PPP1CA: variants seen among roughly 807,000 people sequenced by gnomAD.
The protein encoded by PPP1CA is protein phosphatase 1 catalytic subunit alpha, also known as serine/threonine-protein phosphatase PP1-alpha catalytic subunit.
PPP1CA carries 14 observed loss-of-function variants against 38.5 expected under a neutral mutation model. The ratio of observed to expected loss-of-function variants is 0.36; its 90% confidence interval spans 0.24 to 0.57. The LOEUF (loss-of-function observed/expected upper bound fraction) is 0.57, where lower values mean the gene tolerates loss of function less well. Among genes scored for constraint, PPP1CA ranks in the 20% least tolerant of loss-of-function variants. The pLI, the probability that PPP1CA is intolerant of heterozygous loss-of-function variation, is 0.80. For missense variants in PPP1CA, 277 were observed against 435.2 expected (o/e 0.64, Z 3.23); for synonymous variants, 200 against 177.3 (o/e 1.13, Z -1.02).
chr11:67,400,992 G>T, intron 2 of PPP1CA, 73 bp from the exon 3 acceptor site: 1 of 1,608,638 alleles, frequency 6.2e-7, no homozygotes, highest in Admixed American at 1.7e-5. Context: ...TGCGCTCAAG[G>T]GAGGAGGGCT....
chr11:67,399,551 C>T lies in PPP1CA; in HGVS notation c.523+10G>A. ...CAGTGCTCCTCCTCCCCAGCCATCCCCTCCCTCACCTCCGTGGCAGCAGAA... is the reference window on the plus strand; with the variant it reads ...CAGTGCTCCTCCTCCCCAGCCATCCTCTCCCTCACCTCCGTGGCAGCAGAA... On this transcript the variant is annotated intron_variant, in intron 4 of 6. Coordinates refer to ENST00000376745, the MANE Select transcript of PPP1CA (RefSeq NM_002708.4). 6.2e-7 allele frequency: 1 copy of T among 1,613,232 alleles called. No individual in the cohort carries two copies. Among genetic ancestry groups the T allele is most frequent in the Non-Finnish European group, 8.5e-7 (1 of 1,179,262 alleles).
chr11:67,401,463 C>T, intron 1 of PPP1CA: 2 of 606,974 alleles, frequency 3.3e-6, no homozygotes, highest in Non-Finnish European at 5.5e-6. Context: ...CCTTCCTGGA[C>T]CGGGCTTCCC....
rs370795737 is a variant in PPP1CA at position 67,399,549 on chromosome 11, C to T, written c.523+12G>A. ...GCCAGTGCTCCTCCTCCCCAGCCAT[C>T]CCCTCCCTCACCTCCGTGGCAGCAG... On this transcript the variant is annotated intron_variant, in intron 4 of 6. Transcript: ENST00000376745. 6.2e-7 allele frequency: 1 copy of T among 1,612,706 alleles called. No individual in the cohort carries two copies. Among genetic ancestry groups the T allele is most frequent in the Non-Finnish European group, 8.5e-7 (1 of 1,178,894 alleles).
Position 67,398,616 on chromosome 11 carries a change from C to T in PPP1CA, c.912G>A (p.Gly304=). 1.2e-6 allele frequency: 2 copies of T among 1,614,114 alleles called. No homozygotes were observed. The highest frequency in any genetic ancestry group is 1.1e-5 in the South Asian group (1 of 91,084). ...QILKPADKNK[G]KYGQFSGLNP... ...TCAGGCCACTGAACTGCCCGTACTTCCCCTTGTTCTTGTCGGCGGGCTTGA... is the reference window on the plus strand; with the variant it reads ...TCAGGCCACTGAACTGCCCGTACTTTCCCTTGTTCTTGTCGGCGGGCTTGA... The change falls in exon 7 of 7, where the codon GGG becomes GGA. Residue 304 remains glycine (G), a synonymous_variant. Coordinates refer to ENST00000376745, the MANE Select transcript of PPP1CA (RefSeq NM_002708.4).
At chr11:67,400,604 G>A in intron 3 of PPP1CA, 85 bp downstream of exon 3, 3 of 1,324,328 alleles carry the variant, frequency 2.3e-6, no homozygotes, top group Admixed American at 1.7e-5. Context: ...GTGTCTGTCA[G>A]ATATCAGGCC....
In PPP1CA at chr11:67,400,755, A is replaced by T; in HGVS notation, c.352T>A (p.Phe118Ile). 3 of 1,614,114 alleles carry T rather than the reference A, an allele frequency of 1.9e-6. No individual in the cohort carries two copies. The highest frequency in any genetic ancestry group is 2.5e-6 in the Non-Finnish European group (3 of 1,180,034). The change falls in exon 3 of 7, where the codon TTC (phenylalanine) becomes ATC (isoleucine). Residue 118 changes from phenylalanine (F) to isoleucine (I), a missense_variant. Transcript: ENST00000376745. Reference sequence around the variant, plus strand: ...TCGTGGTTCCCACGGAGCAGGAAGAAGTTCTCGGGGTACTTGATCTTATAG... The same window carrying T: ...TCGTGGTTCCCACGGAGCAGGAAGATGTTCTCGGGGTACTTGATCTTATAG... ...LAYKIKYPEN[F>I]FLLRGNHECA...
rs1352829034 is a variant in PPP1CA, at chr11:67,398,326, TCA to T, written c.*207_*208del. ...TGCAGCCTCGGCCCCAGGATCCTGCTCACAGTCACCGCAGGTGCAGGCAGGAA... is the reference window on the plus strand; with the variant it reads ...TGCAGCCTCGGCCCCAGGATCCTGCTCAGTCACCGCAGGTGCAGGCAGGAA... On this transcript the variant is annotated 3_prime_UTR_variant, in exon 7 of 7. Coordinates refer to ENST00000376745, the MANE Select transcript of PPP1CA (RefSeq NM_002708.4). 5 of 597,196 alleles carry T rather than the reference TCA, an allele frequency of 8.4e-6. No homozygotes were observed. The highest frequency in any genetic ancestry group is 1.9e-5 in the African/African-American group (1 of 53,712). The allele number at this position is 597,196 out of a possible 1,614,324, so 37.0% of individuals were successfully genotyped here.
At chr11:67,399,494 A>C in intron 4 of PPP1CA, 67 bp downstream of exon 4, 1 of 1,421,358 alleles carries the variant, frequency 7.0e-7, no homozygotes, top group Non-Finnish European at 9.9e-7. Context: ...GATGAGACCT[A>C]AGGAGAGCTG....
chr11:67,401,845 C>CCTCCTTCCGGCCTGGCT lies in PPP1CA; in HGVS notation c.-64_-63insAGCCAGGCCGGAAGGAG. 7.7e-7 allele frequency: 1 copy of CCTCCTTCCGGCCTGGCT among 1,293,598 alleles called. No homozygotes were observed. The highest frequency in any genetic ancestry group is 9.9e-7 in the Non-Finnish European group (1 of 1,005,320). The allele number at this position is 1,293,598 out of a possible 1,614,324, so 80.1% of individuals were successfully genotyped here. ...GCTCCTGCCTCCCGCCCTCCGGCAG[C>CCTCCTTCCGGCCTGGCT]CTCCTTCCGGCCTGGCTCTCCTTCC... is the stretch of plus-strand genomic sequence containing the variant. On this transcript the variant is annotated 5_prime_UTR_variant, in exon 1 of 7. Coordinates refer to ENST00000376745, the MANE Select transcript of PPP1CA (RefSeq NM_002708.4).
At chr11:67,399,421 G>A (rs1862830512) in intron 4 of PPP1CA, 140 bp downstream of exon 4, 1 of 780,338 alleles carries the variant, frequency 1.3e-6, no homozygotes, top group Non-Finnish European at 2.1e-6. Context: ...ACACATCAAG[G>A]AAGTGAGTGC....
At chr11:67,401,620 C>G in intron 1 of PPP1CA, 108 bp downstream of exon 1, 1 of 1,027,190 alleles carries the variant, frequency 9.7e-7, no homozygotes, top group Non-Finnish European at 1.2e-6. Context: ...CCTCGCTGCC[C>G]GTCCCCGCCC....
Position 67,398,461 on chromosome 11 carries a change from A to G in PPP1CA, c.*74T>C. The stretch of plus-strand genomic sequence containing the variant: ...CAGGTGGGCCTGAGGGGTCGGGGTG[A>G]CCCCCCCCCAGCATGGCAGCATGAT... On this transcript the variant is annotated 3_prime_UTR_variant, in exon 7 of 7. Transcript: ENST00000376745. 1 of 1,377,908 alleles carries G rather than the reference A, an allele frequency of 7.3e-7. No homozygotes were observed. The highest frequency in any genetic ancestry group is 1.0e-6 in the Non-Finnish European group (1 of 998,248). 85.4% of individuals were successfully genotyped at this position (1,377,908 alleles called of 1,614,324 possible).
In PPP1CA at chr11:67,401,792, G is replaced by T; in HGVS notation, c.-10C>A. 6.8e-7 allele frequency: 1 copy of T among 1,463,868 alleles called. No homozygotes were observed. Among genetic ancestry groups the T allele is most frequent in the Non-Finnish European group, 9.1e-7 (1 of 1,097,956 alleles). 90.7% of individuals were successfully genotyped at this position (1,463,868 alleles called of 1,614,324 possible). On this transcript the variant is annotated 5_prime_UTR_variant, in exon 1 of 7. Transcript: ENST00000376745. The stretch of plus-strand genomic sequence containing the variant: ...TCTCGCTGTCGGACATGGCGGCGCC[G>T]CCGCTCCAGCCCAGCAGCTCCTGGC...
At position 67,400,930 on chromosome 11, in the gene PPP1CA, G is replaced by A. The variant is rs1416536287; in HGVS notation, c.188-11C>T. ...GGCCGTGTATGTCACCTGTGACCCA[G>A]GGAACCGGGTAAGCTAGATGCAAGG... is the stretch of plus-strand genomic sequence containing the variant. On this transcript the variant is annotated splice_polypyrimidine_tract_variant and intron_variant, in intron 2 of 6. Transcript: ENST00000376745. 2 of 1,613,506 alleles carry A rather than the reference G, an allele frequency of 1.2e-6. No homozygotes were observed. Among genetic ancestry groups the A allele is most frequent in the South Asian group, 2.2e-5 (2 of 91,074 alleles).
chr11:67,398,458 G>T lies in PPP1CA; in HGVS notation c.*77C>A. ...TGACAGGTGGGCCTGAGGGGTCGGG[G>T]TGACCCCCCCCCAGCATGGCAGCAT... On this transcript the variant is annotated 3_prime_UTR_variant, in exon 7 of 7. Coordinates refer to ENST00000376745, the MANE Select transcript of PPP1CA (RefSeq NM_002708.4). 6.1e-6 allele frequency: 9 copies of T among 1,470,690 alleles called. No individual in the cohort carries two copies. Among genetic ancestry groups the T allele is most frequent in the Non-Finnish European group, 8.4e-6 (9 of 1,066,568 alleles). 91.1% of individuals were successfully genotyped at this position (1,470,690 alleles called of 1,614,324 possible).
intron 3 of PPP1CA, 29 bp downstream of exon 3, chr11:67,400,660 G>C (rs748099937): frequency 1.2e-6 from 2 of 1,604,772 alleles, no homozygotes; most frequent in Non-Finnish European, 1.7e-6. Context: ...TTCAGGACCC[G>C]GGCAGCCCCA....
At position 67,401,146 on chromosome 11, in the gene PPP1CA, C is replaced by T. The variant is rs547598243; in HGVS notation, c.109G>A (p.Gly37Ser). The part of the protein sequence containing the change: ...NVQLTENEIR[G>S]LCLKSREIFL... ...ATCTCCCGGGATTTCAGGCACAGAC[C>T]GCGGATCTCGTTCTCTGTCAGCTGT... Residue 37 changes from glycine to serine, a missense_variant, in exon 2 of 7, where the codon GGT (glycine) becomes AGT (serine). Coordinates refer to ENST00000376745, the MANE Select transcript of PPP1CA (RefSeq NM_002708.4). 1.2e-6 allele frequency: 2 copies of T among 1,613,980 alleles called. No homozygotes were observed. The highest frequency in any genetic ancestry group is 1.7e-5 in the Admixed American group (1 of 60,036).
At position 67,398,549 on chromosome 11, in the gene PPP1CA, T is replaced by C; in HGVS notation, c.979A>G (p.Lys327Glu). Reference sequence around the variant, plus strand: ...GTGTGCGGGGGCTATTTCTTGGCTTTGGCGGAATTGCGGGGTGGGGTGATG... The same window carrying C: ...GTGTGCGGGGGCTATTTCTTGGCTTCGGCGGAATTGCGGGGTGGGGTGATG... ...RPITPPRNSA[K>E]AKK Residue 327 changes from lysine to glutamate, a missense_variant, in exon 7 of 7, where the codon AAA (lysine) becomes GAA (glutamate). This residue lies in a region of PPP1CA where 53 missense variants were observed against 51.1 expected (regional missense o/e 1.04). Transcript: ENST00000376745. 6.2e-7 allele frequency: 1 copy of C among 1,614,012 alleles called. No homozygotes were observed. Among genetic ancestry groups the C allele is most frequent in the Admixed American group, 1.7e-5 (1 of 60,016 alleles).
chr11:67,401,525 G>A (rs1862889400), intron 1 of PPP1CA: 1 of 560,144 alleles, frequency 1.8e-6, no homozygotes, highest in Non-Finnish European at 3.0e-6. Context: ...CCCCAGCCCG[G>A]GAGAGGGGGG....
Sources: allele counts gnomAD v4.1 joint callset, GRCh38; gene constraint gnomAD v4.1.1; regional missense constraint gnomAD v4.1.1; transcripts MANE v1.5; gene names NCBI Gene and HGNC (gene_info 2026-07-23, HGNC 2026-07-21).